Variants in AKAP13 observed in about 807,000 individuals in gnomAD.
The protein encoded by AKAP13 is A-kinase anchoring protein 13.
Under a neutral mutation model 264.5 loss-of-function variants are expected in AKAP13, and 80 were observed. The observed-to-expected ratio is 0.30, with a 90% confidence interval of 0.25 to 0.36. AKAP13 has a LOEUF of 0.36. Among genes scored for constraint, AKAP13 ranks in the 10% least tolerant of loss-of-function variants. AKAP13 has a pLI of 1.00. For synonymous variants in AKAP13, 1,380 were observed against 1,250.2 expected, an observed-to-expected ratio of 1.10 and a Z score of -2.19; for missense variants, 3,712 against 3,435.2, an observed-to-expected ratio of 1.08 and a Z score of -2.01.
intron 9 of AKAP13, among the ~76,000 whole-genome samples, chr15:85,640,245 C>A (rs936478256): frequency 6.6e-6 from 1 of 152,164 alleles, no homozygotes; most frequent in Non-Finnish European, 1.5e-5. Flanking sequence ...TGTGCCTGTT[C>A]TACGACTGCT....
rs1055880459 is a variant in AKAP13, at chr15:85,580,877, A to G, written c.2809A>G (p.Ile937Val). 4 of 1,614,182 alleles carry G rather than the reference A, an allele frequency of 2.5e-6. No homozygotes were observed. Among genetic ancestry groups the G allele is most frequent in the East Asian group, 2.2e-5 (1 of 44,890 alleles). ...GGATAAAGCGGTGACCTGTTCCTCT[A>G]TTAAGGAAAATGCTCTCTCTTCAGG... ...DKDKAVTCSSIKENALSSGTL... is the reference protein window; with the variant it reads ...DKDKAVTCSSVKENALSSGTL... The change falls in exon 7 of 37, where the codon ATT becomes GTT. Residue 937 changes from isoleucine to valine, a missense_variant. By Grantham distance (29) the Ile-to-Val change is conservative. Transcript: ENST00000394518.
intron 1 of AKAP13, among the ~76,000 whole-genome samples, chr15:85,457,516 A>T (rs573388880): frequency 1.3e-5 from 2 of 152,146 alleles, no homozygotes; most frequent in Non-Finnish European, 2.9e-5. Flanking sequence ...GGAGGTGGAG[A>T]TTGGAGAGCG....
chr15:85,400,926 A>G (rs1307696572), intron 1 of AKAP13, among the ~76,000 whole-genome samples: 2 of 151,134 alleles, frequency 1.3e-5, no homozygotes, highest in African/African-American at 2.4e-5. Flanking sequence ...CAGTGGCACA[A>G]TCTTGGCTTA....
chr15:85,744,332 C>A, intron 36 of AKAP13: 1 of 392,332 alleles, frequency 2.5e-6, no homozygotes, highest in Non-Finnish European at 4.7e-6. Context: ...GAATCCTTCT[C>A]TTTAGGATTG....
intron 1 of AKAP13, among the ~76,000 whole-genome samples, chr15:85,446,632 A>G (rs2073906780): frequency 6.6e-6 from 1 of 152,060 alleles, no homozygotes; most frequent in East Asian, 1.9e-4. Context: ...TGCGAGGACA[A>G]TCTGGAATTA....
intron 11 of AKAP13, among the ~76,000 whole-genome samples, chr15:85,656,027 C>T (rs2083077120): frequency 1.3e-5 from 2 of 151,974 alleles, no homozygotes; most frequent in Admixed American, 1.3e-4. Context: ...AAAATACCTT[C>T]ATTATTATTT....
chr15:85,641,301 C>G (rs979650058), intron 9 of AKAP13, among the ~76,000 whole-genome samples: 6 of 151,178 alleles, frequency 4.0e-5, no homozygotes, highest in Non-Finnish European at 8.8e-5. Flanking sequence ...CAAAAATTAG[C>G]CGGGTGTGGT....
intron 1 of AKAP13, among the ~76,000 whole-genome samples, chr15:85,444,351 C>A (rs2073825979): frequency 6.6e-6 from 1 of 152,076 alleles, no homozygotes; most frequent in Non-Finnish European, 1.5e-5. Flanking sequence ...CCAGATTTCA[C>A]CTTAGTACAT....
rs2087081620 is a variant in AKAP13 at position 85,718,380 on chromosome 15, GT to G, written c.6001+222del. 1.3e-5 allele frequency among the ~76,000 whole-genome samples: 2 copies of G among 152,118 alleles called. No individual in the cohort carries two copies. Among genetic ancestry groups the G allele is most frequent in the Admixed American group, 1.3e-4 (2 of 15,270 alleles). On this transcript the variant is annotated intron_variant, in intron 22 of 36. Coordinates refer to ENST00000394518, the MANE Select transcript of AKAP13 (RefSeq NM_007200.5). This position sits in a 1 kb window ranked among gnomAD's most constrained non-coding sequence, Gnocchi z 4.9. Reference sequence around the variant, plus strand: ...GTTCTACTGAACATTGTACTTATATGTGAGTACTTATTTATACAGCAGTCCT... The same window carrying G: ...GTTCTACTGAACATTGTACTTATATGGAGTACTTATTTATACAGCAGTCCT...
Position 85,719,324 on chromosome 15 carries a change from C to G in AKAP13, c.6250C>G (p.Gln2084Glu). The change falls in exon 23 of 37, where the codon CAG becomes GAG. Residue 2084 changes from glutamine to glutamate, a missense_variant and splice_region_variant. By Grantham distance (29) the Gln-to-Glu change is conservative. Coordinates refer to ENST00000394518, the MANE Select transcript of AKAP13 (RefSeq NM_007200.5). Reference protein sequence around the residue: ...IKRIGDVLVNQFSGENAERLK... With the variant: ...IKRIGDVLVNEFSGENAERLK... ...GAGGATAGGGGATGTGCTTGTAAAT[C>G]AGGTGAGAATGGGAAGGATCTCAGG... 1.2e-6 allele frequency: 2 copies of G among 1,614,060 alleles called. No individual in the cohort carries two copies. The highest frequency in any genetic ancestry group is 1.7e-6 in the Non-Finnish European group (2 of 1,179,982).
chr15:85,449,067 C>G (rs2073996768), intron 1 of AKAP13, among the ~76,000 whole-genome samples: 3 of 151,946 alleles, frequency 2.0e-5, no homozygotes, highest in Admixed American at 1.3e-4. Context: ...TGTGTCTTGT[C>G]TGATTTCTTT....
intron 1 of AKAP13, among the ~76,000 whole-genome samples, chr15:85,398,436 G>GA (rs1002910196): frequency 1.3e-5 from 2 of 152,192 alleles, no homozygotes; most frequent in African/African-American, 4.8e-5. Context: ...CTTGTAGAGA[G>GA]AGAGTGTGTG....
chr15:85,602,721 C>A (rs1177376208), intron 8 of AKAP13, among the ~76,000 whole-genome samples: 1 of 152,116 alleles, frequency 6.6e-6, no homozygotes, highest in East Asian at 1.9e-4. Context: ...AACTCCTGAC[C>A]TAGTGATCCG....
chr15:85,669,744 A>G lies in AKAP13; in HGVS notation c.5015A>G (p.Gln1672Arg). Residue 1672 changes from glutamine (Q) to arginine (R), a missense_variant, in exon 14 of 37, where the codon CAG becomes CGG. Around this residue, in one of 3 missense-constraint regions of AKAP13, gnomAD observed 2,759 missense variants for 2,411.7 expected, o/e 1.14. Coordinates refer to ENST00000394518, the MANE Select transcript of AKAP13 (RefSeq NM_007200.5). Reference protein sequence around the residue: ...DQQICHRSKQQGFNYCTSAIS... With the variant: ...DQQICHRSKQRGFNYCTSAIS... ...CAGATATGTCACAGATCTAAGCAGC[A>G]GGGATTTAATTACTGTACATCAGCC... 1.2e-6 allele frequency: 2 copies of G among 1,612,934 alleles called. No individual in the cohort carries two copies. The highest frequency in any genetic ancestry group is 1.1e-5 in the South Asian group (1 of 91,052).
chr15:85,693,309 GAAGGAGAAAGATTCTAAAGAC>G lies in AKAP13; in HGVS notation c.5335_5355del (p.Ser1779_Asp1785del), dbSNP rs750198308. 5 of 1,606,314 alleles carry G rather than the reference GAAGGAGAAAGATTCTAAAGAC, an allele frequency of 3.1e-6. No homozygotes were observed. Among genetic ancestry groups the G allele is most frequent in the African/African-American group, 1.3e-5 (1 of 74,278 alleles). ...AAAAAGAAAAAGATAAGATTAAGGA[GAAGGAGAAAGATTCTAAAGAC>G]AAGGAGAAAGATAAGAAGACTGTCA... On this transcript the variant is annotated inframe_deletion, in exon 17 of 37. Transcript: ENST00000394518.
chr15:85,581,723 C>T lies in AKAP13; in HGVS notation c.3655C>T (p.Pro1219Ser). ...TGGTGTGAGGGAAGTCATGCGAGCC[C>T]CGCCTTCAGGCAGGGAAAGGAGCAC... ...PAGVREVMRA[P>S]PSGRERSTPS... Residue 1219 changes from proline (P) to serine (S), a missense_variant, in exon 7 of 37, where the codon CCG (proline) becomes TCG (serine). Pro to Ser is a moderately conservative substitution (Grantham distance 74). Transcript: ENST00000394518. The T allele has an allele frequency of 1.2e-6, 2 of 1,614,162 alleles. No homozygotes were observed. The highest frequency in any genetic ancestry group is 3.3e-4 in the Middle Eastern group (2 of 6,062).
At chr15:85,675,037 G>A (rs338516) in intron 14 of AKAP13, among the ~76,000 whole-genome samples, 113,110 of 151,966 alleles carry the variant, frequency 0.74, 42,626 homozygotes, top group African/African-American at 0.88. Context: ...CAATTACCTT[G>A]TAAAATTGAA....
intron 8 of AKAP13, among the ~76,000 whole-genome samples, chr15:85,597,994 C>G (rs1461141139): frequency 6.6e-6 from 1 of 152,026 alleles, no homozygotes; most frequent in Non-Finnish European, 1.5e-5. Flanking sequence ...GTAAGATCCC[C>G]TTTCCAATAT....
At chr15:85,518,404 A>G (rs1158863730) in intron 2 of AKAP13, among the ~76,000 whole-genome samples, 4 of 152,216 alleles carry the variant, frequency 2.6e-5, no homozygotes, top group Non-Finnish European at 5.9e-5. Context: ...GGTAATTTTA[A>G]TTCCAGGTGC....
Sources: gnomAD v4.1 joint callset for allele counts (sites outside exome capture counted in the v4.1 genomes callset) on GRCh38, gnomAD v4.1.1 for gene constraint, gnomAD v4.1.1 regional missense constraint, Gnocchi (gnomAD v3.1) non-coding constraint, MANE v1.5 for transcripts, NCBI Gene and HGNC (gene_info 2026-07-23, HGNC 2026-07-21) for gene names.